The following ERCC8 variants were observed in gnomAD, a reference collection of about 807,000 sequenced individuals.
ERCC8 encodes the protein ERCC excision repair 8, CSA ubiquitin ligase complex subunit, also known as DNA excision repair protein ERCC-8.
In ERCC8, 52 loss-of-function variants were observed where a neutral mutation model predicts 54.9. The observed-to-expected ratio is 0.95, with a 90% CI of 0.76 to 1.19. The LOEUF (loss-of-function observed/expected upper bound fraction) is 1.19, where lower values mean the gene tolerates loss of function less well. Among genes scored for constraint, ERCC8 ranks in the 50% most tolerant of loss-of-function variants. The probability of loss-of-function intolerance (pLI) is 0.00; values close to 1 mark genes in which losing one functional copy is unlikely to be tolerated. For synonymous variants in ERCC8, 146 were observed against 157.2 expected, an observed-to-expected ratio of 0.93 and a Z score of 0.53; for missense variants, 514 against 466.1, an observed-to-expected ratio of 1.10 and a Z score of -0.95.
intron 11 of ERCC8, among the ~76,000 whole-genome samples, chr5:60,886,644 G>A (rs1461458044): frequency 6.6e-6 from 1 of 151,436 alleles, no homozygotes; most frequent in African/African-American, 2.4e-5. Flanking sequence ...AAAAGTTGCA[G>A]TGAGCCAAGA....
At chr5:60,878,615 C>G (rs942221121) in intron 11 of ERCC8, among the ~76,000 whole-genome samples, 12 of 152,076 alleles carry the variant, frequency 7.9e-5, no homozygotes, top group Admixed American at 5.2e-4. Flanking sequence ...TGTATGTGTC[C>G]AGGAATTTAT....
Position 60,890,968 on chromosome 5 carries a change from A to T in ERCC8, c.962T>A (p.Val321Asp). 1.2e-6 allele frequency: 2 copies of T among 1,613,300 alleles called. No homozygotes were observed. The highest frequency in any genetic ancestry group is 2.2e-5 in the South Asian group (2 of 91,062). Reference sequence around the variant, plus strand: ...CATAGTTATCTGTTCTCCTGAGTAAACTGTATAAACAGCAATGGTGCTACC... The same window carrying T: ...CATAGTTATCTGTTCTCCTGAGTAATCTGTATAAACAGCAATGGTGCTACC... ...PYGSTIAVYT[V>D]YSGEQITMLK... The change falls in exon 10 of 12, where the codon GTT becomes GAT. Residue 321 changes from valine (V) to aspartate (D), a missense_variant. By Grantham distance (152) the Val-to-Asp change is radical (BLOSUM62 -3). Coordinates refer to ENST00000676185, the MANE Select transcript of ERCC8 (RefSeq NM_000082.4).
At chr5:60,904,627 T>G (rs1385809804) in intron 5 of ERCC8, among the ~76,000 whole-genome samples, 165 bp downstream of exon 5, 2 of 35,634 alleles carry the variant, frequency 5.6e-5, no homozygotes, top group African/African-American at 3.3e-4. Flanking sequence ...ATATAGTGTG[T>G]GTGTGTGTAT....
At chr5:60,879,202 G>T (rs1748120647) in intron 11 of ERCC8, among the ~76,000 whole-genome samples, 1 of 152,172 alleles carries the variant, frequency 6.6e-6, no homozygotes, top group Non-Finnish European at 1.5e-5. Context: ...TTAATCCTGA[G>T]TTCTAGTTTG....
intron 2 of ERCC8, among the ~76,000 whole-genome samples, chr5:60,925,990 A>AT (rs1749737351): frequency 6.6e-6 from 1 of 151,658 alleles, no homozygotes; most frequent in South Asian, 2.1e-4. Flanking sequence ...CACCTGGCTA[A>AT]TTTTTTCTAT....
At chr5:60,898,607 A>G (rs931947693) in intron 8 of ERCC8, among the ~76,000 whole-genome samples, 7 of 151,978 alleles carry the variant, frequency 4.6e-5, no homozygotes, top group African/African-American at 1.7e-4. Flanking sequence ...CAAAAAAAAA[A>G]GGGAAAAAAT....
intron 2 of ERCC8, among the ~76,000 whole-genome samples, chr5:60,927,723 T>G (rs1749791307): frequency 1.3e-5 from 2 of 152,146 alleles, no homozygotes; most frequent in East Asian, 3.8e-4. Context: ...CATGTCTGCA[T>G]GTTTCATAAG....
intron 1 of ERCC8, among the ~76,000 whole-genome samples, chr5:60,938,907 C>G (rs1313502699): frequency 6.6e-6 from 1 of 152,146 alleles, no homozygotes; most frequent in Non-Finnish European, 1.5e-5. Flanking sequence ...TTACAGTTGT[C>G]TGATCTCTCT....
At chr5:60,904,453 G>A (rs1306882158) in intron 5 of ERCC8, among the ~76,000 whole-genome samples, 1 of 151,510 alleles carries the variant, frequency 6.6e-6, no homozygotes, top group Admixed American at 6.6e-5. Flanking sequence ...GTCAAATTGG[G>A]AAAGTTGCCA....
chr5:60,944,966 G>A lies in ERCC8; in HGVS notation c.43C>T (p.Pro15Ser), dbSNP rs200846878. ...GACTCTGCTCTCCGAAGGCGAAGAG[G>A]GTCCTCCAAACCCGTTTGGCGTGCG... ...LSARQTGLEDPLRLRRAESTR... is the reference protein window; with the variant it reads ...LSARQTGLEDSLRLRRAESTR... The change falls in exon 1 of 12, where the codon CCT becomes TCT. Residue 15 changes from proline (P) to serine (S), a missense_variant. By Grantham distance (74) the Pro-to-Ser change is moderately conservative (BLOSUM62 -1). Transcript: ENST00000676185. 9 of 1,614,042 alleles carry A rather than the reference G, an allele frequency of 5.6e-6. No homozygotes were observed. In the East Asian group the frequency reaches 1.6e-4, roughly 28 times the overall value.
At chr5:60,924,542 G>C (rs1180438640) in intron 2 of ERCC8, 3 of 154,460 alleles carry the variant, frequency 1.9e-5, no homozygotes, top group Non-Finnish European at 4.4e-5. Context: ...AAAGTCTAGT[G>C]ACAATATAAA....
chr5:60,909,270 A>AAAAAAAAAAAAAAAAAAC, intron 4 of ERCC8, among the ~76,000 whole-genome samples: 2 of 146,920 alleles, frequency 1.4e-5, no homozygotes, highest in Non-Finnish European at 3.0e-5. Context: ...AAAAAAAAAA[A>AAAAAAAAAAAAAAAAAAC]AAAAAAAAGC....
intron 4 of ERCC8, among the ~76,000 whole-genome samples, chr5:60,908,964 T>C (rs1749163744): frequency 6.6e-6 from 1 of 152,080 alleles, no homozygotes; most frequent in Non-Finnish European, 1.5e-5. Flanking sequence ...ATGTAGACTC[T>C]AATATGACTT....
intron 9 of ERCC8, chr5:60,893,204 T>C (rs567703088): frequency 3.1e-6 from 3 of 969,494 alleles, no homozygotes; most frequent in East Asian, 2.4e-5. Context: ...CATCAGAGTA[T>C]TCTACCACCT....
rs142537648 is a variant in ERCC8 at position 60,929,416 on chromosome 5, C to A, written c.78-457G>T. Among the ~76,000 whole-genome samples the A allele has an allele frequency of 2.0e-4, 31 of 152,020 alleles. 2 individuals are homozygous for A. The highest frequency in any genetic ancestry group is 3.4e-3 in the Middle Eastern group (1 of 294). On this transcript the variant is annotated intron_variant, in intron 1 of 11. Transcript: ENST00000676185. ...TTGGAAAGCACCCCAGGCAACATAG[C>A]GAGACCCCATCTCTACAAAAAATAA...
chr5:60,882,247 T>C (rs1748258343), intron 11 of ERCC8, among the ~76,000 whole-genome samples: 1 of 152,178 alleles, frequency 6.6e-6, no homozygotes, highest in Admixed American at 6.5e-5. Context: ...ATGAAAACAG[T>C]AGAAAAAGTT....
At position 60,868,109 on chromosome 5, in the gene ERCC8, G is replaced by T. The variant is rs1207337103; in HGVS notation, c.*6506C>A. On this transcript the variant is annotated 3_prime_UTR_variant, in exon 12 of 12. Transcript: ENST00000676185. Reference sequence around the variant, plus strand: ...GCAGGAGAATCGCTTGAACCCAGGAGGCGGAGGTTGCGGTGAGCTGAGGTC... The same window carrying T: ...GCAGGAGAATCGCTTGAACCCAGGATGCGGAGGTTGCGGTGAGCTGAGGTC... Among the ~76,000 whole-genome samples, 1 of 152,230 alleles carries T rather than the reference G, an allele frequency of 6.6e-6. No individual in the cohort carries two copies. Among genetic ancestry groups the T allele is most frequent in the Non-Finnish European group, 1.5e-5 (1 of 68,044 alleles).
At chr5:60,880,068 CA>C (rs1251129380) in intron 11 of ERCC8, among the ~76,000 whole-genome samples, 1 of 152,148 alleles carries the variant, frequency 6.6e-6, no homozygotes, top group Non-Finnish European at 1.5e-5. Flanking sequence ...CTGGTGGTGA[CA>C]AAATCTCTCA....
At chr5:60,878,100 A>T (rs997583927) in intron 11 of ERCC8, among the ~76,000 whole-genome samples, 2 of 152,178 alleles carry the variant, frequency 1.3e-5, no homozygotes, top group Non-Finnish European at 2.9e-5. Flanking sequence ...AATTTTGTCA[A>T]ACGCCTTTTC....
Sources: allele counts gnomAD v4.1 joint callset (sites outside exome capture counted in the v4.1 genomes callset), GRCh38; gene constraint gnomAD v4.1.1; transcripts MANE v1.5; gene names NCBI Gene and HGNC (gene_info 2026-07-23, HGNC 2026-07-21).